CUX1: variants seen among roughly 807,000 people sequenced by gnomAD.
CUX1 encodes the protein cut like homeobox 1, also known as protein CASP.
A neutral mutation model predicts 158.8 loss-of-function variants in CUX1; 31 were observed. The ratio of observed to expected loss-of-function variants is 0.20; its 90% confidence interval spans 0.15 to 0.26. The LOEUF (loss-of-function observed/expected upper bound fraction) is 0.26. CUX1 is among the 10% of genes least tolerant of loss of function. The pLI, the probability that CUX1 is intolerant of heterozygous loss-of-function variation, is 1.00. For missense variants in CUX1, 1,589 were observed against 2,014.6 expected (o/e 0.79, Z 4.04); for synonymous variants, 879 against 862.1 (o/e 1.02, Z -0.34).
At position 102,253,904 on chromosome 7, in the gene CUX1, C is replaced by T. The variant is rs1487891445; in HGVS notation, c.*4862C>T. On this transcript the variant is annotated 3_prime_UTR_variant, in exon 24 of 24. Transcript: ENST00000292535. ...CTGTCCCTCCCCAGATGTCCTCCCT[C>T]TTCTTCACACTCCTCATTGTCCCTT... is the stretch of plus-strand genomic sequence containing the variant. 9.1e-6 allele frequency: 9 copies of T among 985,530 alleles called. No individual in the cohort carries two copies. In the African/African-American group the frequency reaches 1.2e-4, roughly 13 times the overall value. The allele number at this position is 985,530 out of a possible 1,614,324, so 61.0% of individuals were successfully genotyped here.
intron 19 of CUX1, among the ~76,000 whole-genome samples, chr7:102,280,460 G>T (rs1013408725): frequency 1.3e-5 from 2 of 152,310 alleles, no homozygotes; most frequent in African/African-American, 4.8e-5. Flanking sequence ...GGAAAAACCA[G>T]TTACAGCTCC....
At chr7:102,078,163 G>A (rs946100980) in intron 4 of CUX1, among the ~76,000 whole-genome samples, 20 of 151,876 alleles carry the variant, frequency 1.3e-4, no homozygotes, top group African/African-American at 4.1e-4. Context: ...TCATTTAACC[G>A]CCTCCTGGCT....
At chr7:101,944,342 C>T (rs1413097983) in intron 2 of CUX1, among the ~76,000 whole-genome samples, 2 of 152,200 alleles carry the variant, frequency 1.3e-5, no homozygotes, top group African/African-American at 4.8e-5. Context: ...CCCAGGAAGG[C>T]GTTGATACAT....
intron 23 of CUX1, 76 bp downstream of exon 23, chr7:102,239,660 C>A: frequency 6.6e-7 from 1 of 1,522,920 alleles, no homozygotes; most frequent in Non-Finnish European, 8.9e-7. Flanking sequence ...CGCCATGGCG[C>A]ACAGGGGTGA....
At position 102,249,776 on chromosome 7, in the gene CUX1, A is replaced by G. The variant is rs782682326; in HGVS notation, c.*734A>G. ...GCACAGTCAAAACGACTCTAAACAC[A>G]CTAGTTTGGATTCCTAAATATTTTC... is the stretch of plus-strand genomic sequence containing the variant. On this transcript the variant is annotated 3_prime_UTR_variant, in exon 24 of 24. Coordinates refer to ENST00000292535, the MANE Select transcript of CUX1 (RefSeq NM_181552.4). 4 of 985,676 alleles carry G rather than the reference A, an allele frequency of 4.1e-6. No individual in the cohort carries two copies. Among genetic ancestry groups the G allele is most frequent in the East Asian group, 2.3e-4 (2 of 8,832 alleles). 61.1% of individuals were successfully genotyped at this position (985,676 alleles called of 1,614,324 possible). A position where few individuals can be genotyped will look rare whatever the true frequency, so the allele number is the denominator to read the frequency against.
intron 3 of CUX1, among the ~76,000 whole-genome samples, chr7:102,028,720 A>G (rs1820353431): frequency 6.6e-6 from 1 of 152,352 alleles, no homozygotes; most frequent in Middle Eastern, 3.4e-3. Context: ...CACCTGGGAC[A>G]TCCGCCCTGG....
At chr7:102,231,806 C>T (rs371822572) in intron 21 of CUX1, among the ~76,000 whole-genome samples, 6 of 151,476 alleles carry the variant, frequency 4.0e-5, no homozygotes, top group South Asian at 2.1e-4. Flanking sequence ...CTCCGCCTCC[C>T]GGGTTCACGC....
chr7:102,134,563 T>A (rs1447991813), intron 8 of CUX1, among the ~76,000 whole-genome samples: 4 of 152,150 alleles, frequency 2.6e-5, no homozygotes, highest in African/African-American at 9.7e-5. Flanking sequence ...CGGATCCTCC[T>A]CCGTCTTTCC....
At chr7:102,138,784 A>T (rs1227103109) in intron 8 of CUX1, among the ~76,000 whole-genome samples, 7 of 152,310 alleles carry the variant, frequency 4.6e-5, no homozygotes, top group African/African-American at 1.4e-4. Flanking sequence ...AGGATTATCC[A>T]TTAGTGGTAA....
At chr7:101,995,159 G>T (rs1815684214) in intron 2 of CUX1, among the ~76,000 whole-genome samples, 1 of 152,084 alleles carries the variant, frequency 6.6e-6, no homozygotes, top group Admixed American at 6.6e-5. Context: ...TGATTGTGGG[G>T]AACTGCTGCT....
chr7:102,058,828 G>C (rs567363996), intron 3 of CUX1, among the ~76,000 whole-genome samples: 2 of 152,256 alleles, frequency 1.3e-5, no homozygotes, highest in South Asian at 2.1e-4. Flanking sequence ...AGGTAGGAGA[G>C]GGGAGCATTA....
At chr7:102,025,114 A>G (rs1819835036) in intron 2 of CUX1, among the ~76,000 whole-genome samples, 1 of 152,062 alleles carries the variant, frequency 6.6e-6, no homozygotes, top group Non-Finnish European at 1.5e-5. Flanking sequence ...TCTGACTCTG[A>G]GCCTCCTGCC....
intron 4 of CUX1, among the ~76,000 whole-genome samples, chr7:102,089,857 G>C (rs1443178434): frequency 6.6e-6 from 1 of 152,192 alleles, no homozygotes; most frequent in Non-Finnish European, 1.5e-5. Context: ...CACTCCGCTT[G>C]GGTTTTTTTC....
intron 6 of CUX1, among the ~76,000 whole-genome samples, chr7:102,105,176 T>TAC (rs3076512): frequency 0.11 from 15,521 of 144,362 alleles, 921 homozygotes; most frequent in African/African-American, 0.18. Flanking sequence ...TATTTAATAT[T>TAC]ACACACACAC....
intron 8 of CUX1, among the ~76,000 whole-genome samples, chr7:102,129,515 C>T (rs1832993855): frequency 1.3e-5 from 2 of 152,102 alleles, no homozygotes; most frequent in African/African-American, 4.8e-5. Context: ...AAAACCCTGT[C>T]TCTACTAAAA....
At chr7:102,199,969 C>T (rs1423704267) in intron 16 of CUX1, 102 bp from the exon 17 acceptor site, 7 of 925,216 alleles carry the variant, frequency 7.6e-6, no homozygotes, top group Non-Finnish European at 9.6e-6. Context: ...CTTGTGTCAC[C>T]AGCCCCCACC....
chr7:102,128,893 A>G (rs1357282145), intron 8 of CUX1, among the ~76,000 whole-genome samples: 1 of 151,680 alleles, frequency 6.6e-6, no homozygotes, highest in Non-Finnish European at 1.5e-5. Flanking sequence ...TAGAAGAATC[A>G]CTTGAACTGG....
intron 16 of CUX1, 88 bp from the exon 17 acceptor site, chr7:102,199,983 G>A: frequency 2.0e-5 from 22 of 1,114,330 alleles, no homozygotes; most frequent in Non-Finnish European, 2.7e-5. Flanking sequence ...CCCCACCCGG[G>A]GCTATATATC....
intron 20 of CUX1, among the ~76,000 whole-genome samples, chr7:102,216,979 T>TA (rs1797294054): frequency 6.6e-6 from 1 of 152,222 alleles, no homozygotes; most frequent in African/African-American, 2.4e-5. Context: ...GTCTTAGTAA[T>TA]ATATATTTAG....
Sources: gnomAD v4.1 joint callset for allele counts (sites outside exome capture counted in the v4.1 genomes callset) on GRCh38, gnomAD v4.1.1 for gene constraint, MANE v1.5 for transcripts, NCBI Gene and HGNC (gene_info 2026-07-23, HGNC 2026-07-21) for gene names.